Variants in PICALM observed in about 807,000 individuals in gnomAD.
The protein encoded by PICALM is phosphatidylinositol binding clathrin assembly protein.
PICALM carries 40 observed loss-of-function variants against 80.5 expected under a neutral mutation model. That is an observed-to-expected ratio of 0.50 (90% CI 0.39 to 0.65). PICALM has a LOEUF of 0.65. Among genes scored for constraint, PICALM ranks in the 30% least tolerant of loss-of-function variants. The pLI is 0.00. For synonymous variants in PICALM, 288 were observed against 260.3 expected (o/e 1.11, Z -1.02); for missense variants, 676 against 778.9 (o/e 0.87, Z 1.57).
rs183111576 is a variant in PICALM, at chr11:86,008,300, G to T, written c.766-717C>A. On this transcript the variant is annotated intron_variant, in intron 7 of 19. Transcript: ENST00000393346. ...CTCCCTTCCTTTTGTGACCTCTCAG[G>T]GGCTGGTCTCAGAATGATGTCAGCA... Among the ~76,000 whole-genome samples, 25 of 152,134 alleles carry T rather than the reference G, an allele frequency of 1.6e-4. No individual in the cohort carries two copies. The East Asian group carries it at 3.9e-3, about 24-fold the overall frequency.
chr11:85,996,932 A>G lies in PICALM; in HGVS notation c.1155-3T>C. ...GATCATTGGGCAGCTTTGATGTGCT[A>G]GAAAGATATTTTGGAAACGTGTTTT... On this transcript the variant is annotated splice_region_variant and splice_polypyrimidine_tract_variant and intron_variant, in intron 11 of 19. Coordinates refer to ENST00000393346, the MANE Select transcript of PICALM (RefSeq NM_007166.4). 1 of 1,602,176 alleles carries G rather than the reference A, an allele frequency of 6.2e-7. No individual in the cohort carries two copies. Among genetic ancestry groups the G allele is most frequent in the Non-Finnish European group, 8.5e-7 (1 of 1,171,720 alleles).
intron 3 of PICALM, among the ~76,000 whole-genome samples, chr11:86,022,897 G>A (rs1484217280): frequency 6.6e-6 from 1 of 151,954 alleles, no homozygotes; most frequent in Admixed American, 6.6e-5. Context: ...GCTGTATTTA[G>A]AACCATAACT....
chr11:86,032,608 AGAGT>A (rs113551634), intron 1 of PICALM, among the ~76,000 whole-genome samples: 1 of 152,228 alleles, frequency 6.6e-6, no homozygotes, highest in African/African-American at 2.4e-5. Flanking sequence ...CCTGGGCAAC[AGAGT>A]GAGACTCTGC....
intron 3 of PICALM, among the ~76,000 whole-genome samples, chr11:86,025,575 T>A (rs1472317331): frequency 4.6e-5 from 7 of 151,950 alleles, no homozygotes; most frequent in Non-Finnish European, 8.8e-5. Flanking sequence ...GTTTGTTTTT[T>A]TGAGACAGAG....
intron 7 of PICALM, 112 bp from the exon 8 acceptor site, chr11:86,007,695 G>C (rs2095307065): frequency 2.9e-6 from 1 of 350,808 alleles, no homozygotes; most frequent in Admixed American, 4.6e-5. Context: ...GACTTCTTAA[G>C]AATCAGGAAA....
chr11:85,970,988 T>A (rs1229383004), intron 19 of PICALM, among the ~76,000 whole-genome samples: 3 of 152,150 alleles, frequency 2.0e-5, no homozygotes, highest in Non-Finnish European at 1.5e-5. Context: ...AGCTGTAGAA[T>A]GCAAGGAGAA....
chr11:85,966,931 A>T (rs1200452210), intron 19 of PICALM, among the ~76,000 whole-genome samples: 1 of 152,234 alleles, frequency 6.6e-6, no homozygotes, highest in African/African-American at 2.4e-5. Flanking sequence ...CGATACCCTG[A>T]TTTCTCCAGA....
chr11:86,068,201 G>A lies in PICALM; in HGVS notation c.130+450C>T, dbSNP rs539309235. ...AGGGATAACAAGGATCTGGATGCAA[G>A]GAACCAGGCGTTTACTGAAACCCGA... On this transcript the variant is annotated intron_variant, in intron 1 of 19. Transcript: ENST00000393346. Among the ~76,000 whole-genome samples the A allele has an allele frequency of 7.9e-5, 12 of 152,316 alleles. No homozygotes were observed. The South Asian group carries it at 2.5e-3, about 32-fold the overall frequency.
chr11:86,019,315 G>A (rs953519151), intron 4 of PICALM, among the ~76,000 whole-genome samples: 2 of 151,958 alleles, frequency 1.3e-5, no homozygotes, highest in East Asian at 1.9e-4. Context: ...ATATGTGTGT[G>A]TATAATGCCA....
intron 2 of PICALM, among the ~76,000 whole-genome samples, chr11:86,027,402 G>C (rs2095665694): frequency 2.0e-5 from 3 of 151,372 alleles, no homozygotes; most frequent in Non-Finnish European, 4.4e-5. Context: ...TTTCAACTTC[G>C]CTTCTTAGGA....
intron 19 of PICALM, among the ~76,000 whole-genome samples, chr11:85,959,945 C>CAAAATTTCAA (rs2093633104): frequency 6.6e-6 from 1 of 152,092 alleles, no homozygotes; most frequent in South Asian, 2.1e-4. Context: ...AGATCAATGA[C>CAAAATTTCAA]CTATTTTTTC....
chr11:86,068,109 G>C (rs2096471591), intron 1 of PICALM, among the ~76,000 whole-genome samples: 1 of 152,228 alleles, frequency 6.6e-6, no homozygotes, highest in Non-Finnish European at 1.5e-5. Context: ...AGAAAGCCAG[G>C]AAGGGATGGG....
intron 1 of PICALM, among the ~76,000 whole-genome samples, chr11:86,068,378 T>A (rs2096477210): frequency 6.6e-6 from 1 of 151,854 alleles, no homozygotes; most frequent in Non-Finnish European, 1.5e-5. Context: ...TTGGGTATGA[T>A]GGGGTGTGGT....
At chr11:86,040,191 G>T (rs2095933748) in intron 1 of PICALM, among the ~76,000 whole-genome samples, 1 of 151,958 alleles carries the variant, frequency 6.6e-6, no homozygotes, top group Admixed American at 6.6e-5. Flanking sequence ...AAGGAAAGAT[G>T]TTATATAACT....
At chr11:86,040,055 T>G (rs886499171) in intron 1 of PICALM, among the ~76,000 whole-genome samples, 1 of 146,988 alleles carries the variant, frequency 6.8e-6, no homozygotes, top group South Asian at 2.2e-4. Context: ...ATGTTGCAGA[T>G]GCAGAGATCA....
At chr11:86,040,358 T>TA (rs1473944844) in intron 1 of PICALM, among the ~76,000 whole-genome samples, 1 of 152,164 alleles carries the variant, frequency 6.6e-6, no homozygotes, top group Non-Finnish European at 1.5e-5. Context: ...AATAACTTTT[T>TA]AAAATTTTAT....
chr11:86,044,990 A>G (rs2096047036), intron 1 of PICALM, among the ~76,000 whole-genome samples: 1 of 152,202 alleles, frequency 6.6e-6, no homozygotes, highest in Non-Finnish European at 1.5e-5. Context: ...CTGAGTAACA[A>G]GTGAAAGCCA....
intron 1 of PICALM, among the ~76,000 whole-genome samples, chr11:86,064,521 C>T (rs932931679): frequency 6.0e-5 from 9 of 150,994 alleles, no homozygotes; most frequent in African/African-American, 2.2e-4. Context: ...ATTAGCTGTG[C>T]GTGGTAGCAG....
chr11:86,028,391 A>C (rs116293165), intron 2 of PICALM, among the ~76,000 whole-genome samples: 1,760 of 152,320 alleles, frequency 0.012, 32 homozygotes, highest in African/African-American at 0.04. Flanking sequence ...TGTATATTAG[A>C]AACTTTTCAT....
Sources: gnomAD v4.1 joint callset for allele counts (sites outside exome capture counted in the v4.1 genomes callset) on GRCh38, gnomAD v4.1.1 for gene constraint, MANE v1.5 for transcripts, NCBI Gene and HGNC (gene_info 2026-07-23, HGNC 2026-07-21) for gene names.